Variants in PCSK5 observed in about 807,000 individuals in gnomAD.
The protein encoded by PCSK5 is prohormone convertase 5.
In PCSK5, 129 loss-of-function variants were observed where a neutral mutation model predicts 233.2. That is an observed-to-expected ratio of 0.55 (90% CI 0.48 to 0.64). PCSK5 has a LOEUF of 0.64. Ranked by LOEUF, PCSK5 falls within the 30% of genes least tolerant of loss-of-function variation. The probability of loss-of-function intolerance (pLI) is 0.00; values close to 1 mark genes in which losing one functional copy is unlikely to be tolerated. For missense variants in PCSK5, 2,076 were observed against 2,430.1 expected, an observed-to-expected ratio of 0.85 and a Z score of 3.06; for synonymous variants, 825 against 879.2, an observed-to-expected ratio of 0.94 and a Z score of 1.09.
Position 76,227,367 on chromosome 9 carries a change from G to A in PCSK5, c.2627-136G>A. 6 of 634,870 alleles carry A rather than the reference G, an allele frequency of 9.5e-6. No homozygotes were observed. The East Asian group carries it at 1.6e-4, about 17-fold the overall frequency. The allele number at this position is 634,870 out of a possible 1,614,324, so 39.3% of individuals were successfully genotyped here. On this transcript the variant is annotated intron_variant, in intron 20 of 37. Coordinates refer to ENST00000674117, the MANE Select transcript of PCSK5 (RefSeq NM_001372043.1). ...TCAGGATTTGGGACTAGCAGCTGAA[G>A]CCATTCAGGGCCTCTCCTCTCTGTG...
At chr9:76,235,317 A>G (rs959080490) in intron 22 of PCSK5, among the ~76,000 whole-genome samples, 6 of 152,172 alleles carry the variant, frequency 3.9e-5, no homozygotes, top group Non-Finnish European at 8.8e-5. Flanking sequence ...AAAAAGAAGA[A>G]GAAGAAGAAG....
At chr9:76,314,529 C>G (rs974599475) in intron 30 of PCSK5, among the ~76,000 whole-genome samples, 1 of 152,090 alleles carries the variant, frequency 6.6e-6, no homozygotes, top group African/African-American at 2.4e-5. Context: ...AGATTTATAA[C>G]AGGAACATAA....
chr9:75,891,576 C>G (rs1257386788), intron 1 of PCSK5, among the ~76,000 whole-genome samples: 1 of 151,758 alleles, frequency 6.6e-6, no homozygotes, highest in Non-Finnish European at 1.5e-5. Context: ...CCAGAGTTGC[C>G]GGGTCCGTGT....
intron 30 of PCSK5, among the ~76,000 whole-genome samples, chr9:76,318,677 C>T (rs1829103488): frequency 6.6e-6 from 1 of 152,068 alleles, no homozygotes; most frequent in South Asian, 2.1e-4. Context: ...CGCTGGTACT[C>T]AAAATATGTT....
At chr9:75,895,141 A>G (rs1320588325) in intron 1 of PCSK5, among the ~76,000 whole-genome samples, 2 of 152,150 alleles carry the variant, frequency 1.3e-5, no homozygotes, top group Admixed American at 1.3e-4. Context: ...CTGGAAAAAT[A>G]TTTTACCTAG....
At chr9:75,920,412 C>T (rs951075081) in intron 1 of PCSK5, among the ~76,000 whole-genome samples, 1 of 152,088 alleles carries the variant, frequency 6.6e-6, no homozygotes, top group African/African-American at 2.4e-5. Flanking sequence ...CCTCGGCCTC[C>T]CAAAGTGCTA....
intron 7 of PCSK5, among the ~76,000 whole-genome samples, chr9:76,083,254 A>G (rs1009977006): frequency 3.3e-5 from 5 of 151,204 alleles, no homozygotes; most frequent in Admixed American, 6.6e-5. Flanking sequence ...AATACCCACT[A>G]TATGCCAAGC....
At chr9:76,354,290 G>C (rs992864293) in intron 37 of PCSK5, 71 bp downstream of exon 37, 7 of 1,255,304 alleles carry the variant, frequency 5.6e-6, no homozygotes, top group African/African-American at 1.5e-5. Flanking sequence ...GCAGAGGGAG[G>C]GGGGGATGGA....
chr9:76,251,590 A>T (rs1365651570), intron 24 of PCSK5, among the ~76,000 whole-genome samples: 1 of 151,608 alleles, frequency 6.6e-6, no homozygotes, highest in Non-Finnish European at 1.5e-5. Flanking sequence ...AGACAGAAAG[A>T]AAAAGAAAAG....
chr9:76,187,281 A>G (rs548831453), intron 17 of PCSK5, among the ~76,000 whole-genome samples: 6 of 152,286 alleles, frequency 3.9e-5, no homozygotes, highest in Non-Finnish European at 8.8e-5. Flanking sequence ...TTCTAGTTTC[A>G]TTGATTTGGT....
chr9:76,350,127 A>G (rs1314503894), intron 35 of PCSK5, among the ~76,000 whole-genome samples: 1 of 150,368 alleles, frequency 6.7e-6, no homozygotes, highest in Admixed American at 6.6e-5. Context: ...AAAAAAAAAG[A>G]AAGAAAGACA....
chr9:76,014,948 GAGAA>G (rs1466648832), intron 3 of PCSK5, among the ~76,000 whole-genome samples: 1 of 151,978 alleles, frequency 6.6e-6, no homozygotes, highest in East Asian at 1.9e-4. Context: ...TATATATCTG[GAGAA>G]AGAGAGAGAA....
At chr9:76,006,605 A>G (rs1827488771) in intron 3 of PCSK5, among the ~76,000 whole-genome samples, 2 of 151,784 alleles carry the variant, frequency 1.3e-5, no homozygotes, top group Admixed American at 6.6e-5. Flanking sequence ...CATTATTTCT[A>G]TTTTTCAGAA....
At chr9:76,341,036 G>A (rs373909740) in intron 35 of PCSK5, among the ~76,000 whole-genome samples, 18 of 146,174 alleles carry the variant, frequency 1.2e-4, no homozygotes, top group South Asian at 1.1e-3. Context: ...GCAACTTGGC[G>A]AAATCCTGTT....
At position 76,189,169 on chromosome 9, in the gene PCSK5, G is replaced by T. The variant is rs969950198; in HGVS notation, c.2456G>T (p.Ser819Ile). The change falls in exon 19 of 38, where the codon AGT (serine) becomes ATT (isoleucine). Residue 819 changes from serine (S) to isoleucine (I), a missense_variant. Transcript: ENST00000674117. The stretch of plus-strand genomic sequence containing the variant: ...GATGGGAGATGCGTGCAGAGCTGTA[G>T]TATCAGCTATTACTTTGACCACTCT... The part of the protein sequence containing the change: ...MEDGRCVQSC[S>I]ISYYFDHSSE... The T allele has an allele frequency of 6.2e-7, 1 of 1,608,626 alleles. No individual in the cohort carries two copies.
intron 2 of PCSK5, among the ~76,000 whole-genome samples, chr9:75,941,929 C>A (rs1024929560): frequency 6.6e-6 from 1 of 152,242 alleles, no homozygotes; most frequent in African/African-American, 2.4e-5. Context: ...AAGACCCAAT[C>A]TCTTATAGGC....
intron 33 of PCSK5, 80 bp from the exon 34 acceptor site, chr9:76,332,353 C>T (rs1829560296): frequency 9.7e-7 from 1 of 1,030,010 alleles, no homozygotes. Context: ...TCCCTCCCGC[C>T]ATGGTACACA....
In PCSK5 at chr9:76,338,344, C is replaced by A; in HGVS notation, c.4863C>A (p.Leu1621=). 6.2e-7 allele frequency: 1 copy of A among 1,612,576 alleles called. No homozygotes were observed. The highest frequency in any genetic ancestry group is 1.6e-4 in the Middle Eastern group (1 of 6,062). ...CLSCDRFFFL[L]RSKGECHRSC... ...CTTGCGATAGATTTTTCTTTCTGCT[C>A]CGCTCCAAAGGAGAGTGTCATCGCT... The change falls in exon 35 of 38, where the codon CTC becomes CTA. Residue 1621 remains leucine (L), a synonymous_variant. Transcript: ENST00000674117.
At position 75,890,824 on chromosome 9, in the gene PCSK5, A is replaced by C; in HGVS notation, c.-358A>C. 4 of 202,228 alleles carry C rather than the reference A, an allele frequency of 2.0e-5. No homozygotes were observed. Among genetic ancestry groups the C allele is most frequent in the Non-Finnish European group, 1.0e-5 (1 of 100,404 alleles). The allele number at this position is 202,228 out of a possible 1,614,324, so 12.5% of individuals were successfully genotyped here. A position where few individuals can be genotyped will look rare whatever the true frequency, so the allele number is the denominator to read the frequency against. ...CTCCGCCGCGCTCGGGGGCCCCGGG[A>C]GGAGCGAGACCGAGTCGGAGAGTCC... On this transcript the variant is annotated 5_prime_UTR_variant, in exon 1 of 38. Coordinates refer to ENST00000674117, the MANE Select transcript of PCSK5 (RefSeq NM_001372043.1).
Sources: gnomAD v4.1 joint callset for allele counts (sites outside exome capture counted in the v4.1 genomes callset) on GRCh38, gnomAD v4.1.1 for gene constraint, MANE v1.5 for transcripts, NCBI Gene and HGNC (gene_info 2026-07-23, HGNC 2026-07-21) for gene names.